The following KIF16B variants were observed in gnomAD, a reference collection of about 807,000 sequenced individuals.
The protein encoded by KIF16B is kinesin family member 16B.
In KIF16B, 98 loss-of-function variants were observed where a neutral mutation model predicts 156.3. The ratio of observed to expected loss-of-function variants is 0.63; its 90% CI spans 0.53 to 0.74. The LOEUF (loss-of-function observed/expected upper bound fraction) is 0.74, where lower values mean the gene tolerates loss of function less well. Ranked by LOEUF, KIF16B falls within the 30% of genes least tolerant of loss-of-function variation. The pLI is 0.00. For synonymous variants in KIF16B, 564 were observed against 583.7 expected (o/e 0.97, Z 0.49); for missense variants, 1,421 against 1,606.5 (o/e 0.88, Z 1.97).
chr20:16,462,920 C>G (rs2067386894), intron 12 of KIF16B, among the ~76,000 whole-genome samples: 1 of 152,194 alleles, frequency 6.6e-6, no homozygotes, highest in Non-Finnish European at 1.5e-5. Context: ...GAACAAGCAA[C>G]ATGGTGCTGG....
In KIF16B at chr20:16,573,417, G is replaced by C; in HGVS notation, c.-142C>G. On this transcript the variant is annotated 5_prime_UTR_variant, in exon 1 of 26. Coordinates refer to ENST00000354981, the MANE Select transcript of KIF16B (RefSeq NM_024704.5). ...TGCTCCCGGCCGGACCTGGAGTTCC[G>C]CGGCAGCCCCACCTGCCAGGCCACT... 1.1e-6 allele frequency: 1 copy of C among 917,326 alleles called. No homozygotes were observed. Among genetic ancestry groups the C allele is most frequent in the South Asian group, 1.6e-5 (1 of 61,330 alleles). The allele number at this position is 917,326 out of a possible 1,614,324, so 56.8% of individuals were successfully genotyped here.
At chr20:16,552,828 G>T (rs2070716757) in intron 1 of KIF16B, among the ~76,000 whole-genome samples, 1 of 152,050 alleles carries the variant, frequency 6.6e-6, no homozygotes, top group African/African-American at 2.4e-5. Context: ...ACAGAGTGCA[G>T]TGGTGTGATC....
At chr20:16,314,635 A>C (rs187842373) in intron 24 of KIF16B, among the ~76,000 whole-genome samples, 13 of 152,362 alleles carry the variant, frequency 8.5e-5, no homozygotes, top group Admixed American at 7.2e-4. Context: ...TCTCTGCTGA[A>C]ATAAAACCAC....
chr20:16,487,119 G>A (rs2068140726), intron 12 of KIF16B, among the ~76,000 whole-genome samples: 1 of 152,058 alleles, frequency 6.6e-6, no homozygotes, highest in Non-Finnish European at 1.5e-5. Flanking sequence ...TGGGCGTGGT[G>A]GTGGGTGCCT....
At chr20:16,282,539 G>A (rs1317211022) in intron 25 of KIF16B, among the ~76,000 whole-genome samples, 1 of 152,016 alleles carries the variant, frequency 6.6e-6, no homozygotes, top group Non-Finnish European at 1.5e-5. Flanking sequence ...AAGACCCATA[G>A]GGTGATGAGA....
chr20:16,506,295 G>A (rs914594864), intron 7 of KIF16B, 105 bp from the exon 8 acceptor site: 53 of 951,766 alleles, frequency 5.6e-5, no homozygotes, highest in Non-Finnish European at 7.9e-5. Context: ...ATCTCTCAGG[G>A]TAGATATTTT....
chr20:16,437,976 T>TA (rs1175714230), intron 12 of KIF16B, among the ~76,000 whole-genome samples: 65 of 107,796 alleles, frequency 6.0e-4, no homozygotes, highest in African/African-American at 1.9e-3. Context: ...CTACTAAAAA[T>TA]AAAAAAAAAT....
At chr20:16,494,045 G>A (rs1414269694) in intron 12 of KIF16B, among the ~76,000 whole-genome samples, 4 of 151,826 alleles carry the variant, frequency 2.6e-5, no homozygotes, top group African/African-American at 9.7e-5. Flanking sequence ...AAAAGTAAAG[G>A]CAAACATCTT....
intron 14 of KIF16B, 28 bp from the exon 15 acceptor site, chr20:16,427,269 A>T (rs1568969488): frequency 6.3e-7 from 1 of 1,591,384 alleles, no homozygotes; most frequent in Admixed American, 1.8e-5. Context: ...AGTAGAAAGA[A>T]TTTTTCCCCC....
chr20:16,532,486 G>A (rs988531560), intron 1 of KIF16B, among the ~76,000 whole-genome samples: 3 of 152,150 alleles, frequency 2.0e-5, no homozygotes, highest in African/African-American at 7.2e-5. Flanking sequence ...CCAAAAGTAA[G>A]AACTGCTTCA....
At chr20:16,438,671 A>G (rs2066712878) in intron 12 of KIF16B, among the ~76,000 whole-genome samples, 1 of 152,158 alleles carries the variant, frequency 6.6e-6, no homozygotes, top group Admixed American at 6.5e-5. Context: ...AACTGCCTCA[A>G]CCACCATCCT....
intron 15 of KIF16B, among the ~76,000 whole-genome samples, chr20:16,414,512 A>G (rs1228372932): frequency 6.6e-6 from 1 of 152,100 alleles, no homozygotes; most frequent in African/African-American, 2.4e-5. Context: ...AATCACTTCA[A>G]CCTCTGTTTA....
At chr20:16,440,720 A>G (rs536466495) in intron 12 of KIF16B, among the ~76,000 whole-genome samples, 35 of 152,268 alleles carry the variant, frequency 2.3e-4, no homozygotes, top group African/African-American at 7.7e-4. Flanking sequence ...GTCAGCCCCT[A>G]AACAGTAAAT....
In KIF16B at chr20:16,573,301, G is replaced by A; in HGVS notation, c.-26C>T. 2 of 1,609,098 alleles carry A rather than the reference G, an allele frequency of 1.2e-6. No individual in the cohort carries two copies. Among genetic ancestry groups the A allele is most frequent in the South Asian group, 1.1e-5 (1 of 90,236 alleles). ...CGCTCATCCCGAACCAGCCCGCGCG[G>A]GGTCCCACTAGCCCAGAACTCCGCG... On this transcript the variant is annotated 5_prime_UTR_variant, in exon 1 of 26. Coordinates refer to ENST00000354981, the MANE Select transcript of KIF16B (RefSeq NM_024704.5).
rs1156572792 is a variant in KIF16B, at chr20:16,376,982, A to G, written c.3197+1823T>C. 1.3e-5 allele frequency among the ~76,000 whole-genome samples: 2 copies of G among 152,244 alleles called. 1 individual carries two copies. The highest frequency in any genetic ancestry group is 2.9e-5 in the Non-Finnish European group (2 of 68,036). ...TTTTGTTGCTGTTTTGCCTGAGGGA[A>G]CTACCAGACAGCGATGGTAAATGTA... On this transcript the variant is annotated intron_variant, in intron 19 of 25. Coordinates refer to ENST00000354981, the MANE Select transcript of KIF16B (RefSeq NM_024704.5).
chr20:16,567,473 C>T (rs928708267), intron 1 of KIF16B, among the ~76,000 whole-genome samples: 4 of 152,248 alleles, frequency 2.6e-5, no homozygotes, highest in South Asian at 4.1e-4. Flanking sequence ...ATTCTCTGAT[C>T]GGCATTTCCC....
chr20:16,333,947 A>G (rs2063992770), intron 24 of KIF16B, among the ~76,000 whole-genome samples: 1 of 152,226 alleles, frequency 6.6e-6, no homozygotes, highest in Non-Finnish European at 1.5e-5. Context: ...GGTAACTGCA[A>G]CACTGCATGC....
chr20:16,483,142 T>C (rs1022276308), intron 12 of KIF16B, among the ~76,000 whole-genome samples: 1 of 152,196 alleles, frequency 6.6e-6, no homozygotes. Flanking sequence ...TATGAATCTG[T>C]AATTGCTGCT....
intron 12 of KIF16B, among the ~76,000 whole-genome samples, chr20:16,480,309 A>G (rs1167947779): frequency 1.3e-5 from 2 of 152,142 alleles, no homozygotes. Context: ...TGGGCCCTCT[A>G]TACAGCCTCC....
Sources: gnomAD v4.1 joint callset for allele counts (sites outside exome capture counted in the v4.1 genomes callset) on GRCh38, gnomAD v4.1.1 for gene constraint, MANE v1.5 for transcripts, NCBI Gene and HGNC (gene_info 2026-07-23, HGNC 2026-07-21) for gene names.